The following LDAH variants were observed in gnomAD, a reference collection of about 807,000 sequenced individuals.
The protein encoded by LDAH is lipid droplet associated hydrolase.
A neutral mutation model predicts 29.6 loss-of-function variants in LDAH; 26 were observed. That is an observed-to-expected ratio of 0.88 (90% confidence interval 0.64 to 1.22). The LOEUF (loss-of-function observed/expected upper bound fraction) is 1.22, where lower values mean the gene tolerates loss of function less well. Among genes scored for constraint, LDAH ranks in the 50% most tolerant of loss-of-function variants. The pLI is 0.00. For missense variants in LDAH, 344 were observed against 387.3 expected, an observed-to-expected ratio of 0.89 and a Z score of 0.94; for synonymous variants, 117 against 133.0, an observed-to-expected ratio of 0.88 and a Z score of 0.83.
At chr2:20,695,610 C>T (rs542857173) in intron 6 of LDAH, among the ~76,000 whole-genome samples, 9 of 152,044 alleles carry the variant, frequency 5.9e-5, no homozygotes, top group South Asian at 2.1e-4. Context: ...CCACCATGCC[C>T]GGCTAATATT....
At chr2:20,730,536 C>A (rs1003611003) in intron 5 of LDAH, among the ~76,000 whole-genome samples, 5 of 152,106 alleles carry the variant, frequency 3.3e-5, no homozygotes, top group Non-Finnish European at 5.9e-5. Flanking sequence ...TCACTGTGAT[C>A]ACACCCAGCT....
chr2:20,800,159 A>G (rs959113438), intron 2 of LDAH, among the ~76,000 whole-genome samples: 4 of 152,236 alleles, frequency 2.6e-5, no homozygotes, highest in African/African-American at 9.6e-5. Flanking sequence ...AAAATACTAG[A>G]AGACATGGCA....
At chr2:20,788,743 T>G (rs1670733579) in intron 3 of LDAH, 1 of 169,636 alleles carries the variant, frequency 5.9e-6, no homozygotes, top group African/African-American at 2.4e-5. Flanking sequence ...AAAACGCCCT[T>G]GAATGGAATG....
At chr2:20,822,708 G>T (rs540179741) in intron 1 of LDAH, among the ~76,000 whole-genome samples, 2 of 152,060 alleles carry the variant, frequency 1.3e-5, no homozygotes, top group Non-Finnish European at 2.9e-5. Context: ...AGTTCTTCCC[G>T]GCCAGCTGCC....
At chr2:20,730,590 T>G (rs1298163316) in intron 5 of LDAH, among the ~76,000 whole-genome samples, 1 of 152,206 alleles carries the variant, frequency 6.6e-6, no homozygotes, top group Non-Finnish European at 1.5e-5. Context: ...TATTTTATTC[T>G]TTTTTTCTAA....
chr2:20,735,588 T>C (rs976154743), intron 5 of LDAH, among the ~76,000 whole-genome samples: 2 of 152,250 alleles, frequency 1.3e-5, no homozygotes, highest in African/African-American at 2.4e-5. Flanking sequence ...CTCTGTCATT[T>C]TGGTGTTGGC....
intron 4 of LDAH, among the ~76,000 whole-genome samples, chr2:20,758,109 G>A (rs1668456634): frequency 1.3e-5 from 2 of 152,120 alleles, no homozygotes; most frequent in Non-Finnish European, 2.9e-5. Context: ...TATAACCAAA[G>A]CAAAGGAAAA....
intron 4 of LDAH, among the ~76,000 whole-genome samples, chr2:20,752,560 T>C (rs1159945558): frequency 6.6e-6 from 1 of 152,196 alleles, no homozygotes; most frequent in African/African-American, 2.4e-5. Context: ...TCTGGCAGTT[T>C]TGGAGGCCAA....
chr2:20,796,988 G>A (rs767110109), intron 2 of LDAH, among the ~76,000 whole-genome samples: 16 of 152,162 alleles, frequency 1.1e-4, no homozygotes, highest in Admixed American at 3.3e-4. Context: ...ATCCCTTCTC[G>A]AGTTTAAGAT....
At chr2:20,771,288 C>CTAAA (rs1157956381) in intron 4 of LDAH, among the ~76,000 whole-genome samples, 2 of 152,086 alleles carry the variant, frequency 1.3e-5, no homozygotes, top group African/African-American at 4.8e-5. Flanking sequence ...CAAAATAAAA[C>CTAAA]TAAATAAACC....
intron 5 of LDAH, among the ~76,000 whole-genome samples, chr2:20,702,056 G>A (rs1663984494): frequency 6.7e-6 from 1 of 150,144 alleles, no homozygotes; most frequent in Non-Finnish European, 1.5e-5. Flanking sequence ...AAATATACTG[G>A]CTTTTTTTTT....
intron 4 of LDAH, among the ~76,000 whole-genome samples, chr2:20,744,318 A>T (rs1667425847): frequency 6.6e-6 from 1 of 151,316 alleles, no homozygotes; most frequent in South Asian, 2.1e-4. Context: ...TTTATAAATC[A>T]GCTTTTAGCA....
At chr2:20,779,622 A>T (rs937106138) in intron 3 of LDAH, among the ~76,000 whole-genome samples, 1 of 152,088 alleles carries the variant, frequency 6.6e-6, no homozygotes, top group Non-Finnish European at 1.5e-5. Context: ...TCATGATAGA[A>T]CTAGAGATGG....
intron 5 of LDAH, among the ~76,000 whole-genome samples, chr2:20,738,310 C>T (rs1666945124): frequency 6.7e-6 from 1 of 148,898 alleles, no homozygotes; most frequent in Non-Finnish European, 1.5e-5. Flanking sequence ...TTGCAAAATA[C>T]AGTAATTAAG....
At chr2:20,785,048 CAACATACT>C (rs1670452615) in intron 3 of LDAH, among the ~76,000 whole-genome samples, 1 of 152,120 alleles carries the variant, frequency 6.6e-6, no homozygotes, top group South Asian at 2.1e-4. Flanking sequence ...TGTAATTACC[CAACATACT>C]GTTACTTTTA....
chr2:20,762,951 G>A (rs1668789865), intron 4 of LDAH, among the ~76,000 whole-genome samples: 1 of 152,172 alleles, frequency 6.6e-6, no homozygotes, highest in Non-Finnish European at 1.5e-5. Flanking sequence ...CTACTGCAAA[G>A]CGTCAGATTG....
chr2:20,722,684 C>T (rs932198163), intron 5 of LDAH, among the ~76,000 whole-genome samples: 8 of 152,012 alleles, frequency 5.3e-5, no homozygotes, highest in Admixed American at 1.3e-4. Flanking sequence ...TACAGGTATT[C>T]GAATGTCACA....
At chr2:20,737,636 G>A (rs1404331421) in intron 5 of LDAH, among the ~76,000 whole-genome samples, 2 of 152,174 alleles carry the variant, frequency 1.3e-5, no homozygotes, top group Non-Finnish European at 2.9e-5. Context: ...AAAAGCCACA[G>A]AGTGACTCTA....
intron 1 of LDAH, among the ~76,000 whole-genome samples, chr2:20,813,868 TTG>T (rs1672667952): frequency 1.3e-5 from 2 of 152,218 alleles, no homozygotes; most frequent in Admixed American, 6.5e-5. Flanking sequence ...TTTCTGTAAA[TTG>T]TCTCTTCATA....
Sources: gnomAD v4.1 joint callset for allele counts (sites outside exome capture counted in the v4.1 genomes callset) on GRCh38, gnomAD v4.1.1 for gene constraint, MANE v1.5 for transcripts, NCBI Gene and HGNC (gene_info 2026-07-23, HGNC 2026-07-21) for gene names.